RAP1GAP2: variants seen among roughly 807,000 people sequenced by gnomAD.
RAP1GAP2 encodes rap1 GTPase-activating protein 2.
In RAP1GAP2, 27 loss-of-function variants were observed where a neutral mutation model predicts 95.0. That is an observed-to-expected ratio of 0.28 (90% CI 0.21 to 0.39). The LOEUF is 0.39. RAP1GAP2 is among the 10% of genes least tolerant of loss of function. RAP1GAP2 has a pLI of 1.00. For synonymous variants in RAP1GAP2, 373 were observed against 380.9 expected (o/e 0.98, Z 0.24); for missense variants, 771 against 970.0 (o/e 0.79, Z 2.72).
At chr17:2,768,169 A>G (rs139692075) in intron 1 of RAP1GAP2, among the ~76,000 whole-genome samples, 2 of 152,304 alleles carry the variant, frequency 1.3e-5, no homozygotes, top group East Asian at 3.9e-4. Flanking sequence ...CCCTAGGTAA[A>G]TTCCCCAAAG....
At chr17:2,875,054 A>G (rs939128878) in intron 2 of RAP1GAP2, among the ~76,000 whole-genome samples, 3 of 152,070 alleles carry the variant, frequency 2.0e-5, no homozygotes, top group African/African-American at 7.2e-5. Flanking sequence ...ACATTTGTTA[A>G]AAGCAAGTTT....
Position 2,991,320 on chromosome 17 carries a change from G to A in RAP1GAP2, c.837G>A (p.Gly279=). 1 of 1,604,824 alleles carries A rather than the reference G, an allele frequency of 6.2e-7. No individual in the cohort carries two copies. The part of the protein sequence containing the change: ...ARQTLEEELF[G]NNEESPAFKE... Reference sequence around the variant, plus strand: ...AGACCCTGGAGGAGGAGCTATTTGGGAACAATGAGGAGAGCCCAGCTTTTA... The same window carrying A: ...AGACCCTGGAGGAGGAGCTATTTGGAAACAATGAGGAGAGCCCAGCTTTTA... Residue 279 remains glycine, a synonymous_variant, in exon 12 of 25, where the codon GGG becomes GGA. Coordinates refer to ENST00000254695, the MANE Select transcript of RAP1GAP2 (RefSeq NM_015085.5).
At chr17:2,991,425 G>C (rs1481249580) in intron 12 of RAP1GAP2, 28 bp downstream of exon 12, 2 of 1,531,718 alleles carry the variant, frequency 1.3e-6, no homozygotes, top group Admixed American at 3.8e-5. Flanking sequence ...GACGGCTCCA[G>C]CTCCATCAAC....
At chr17:3,002,373 C>G (rs1194129862) in intron 14 of RAP1GAP2, among the ~76,000 whole-genome samples, 1 of 152,196 alleles carries the variant, frequency 6.6e-6, no homozygotes, top group Non-Finnish European at 1.5e-5. Context: ...TGATCGTGCA[C>G]TCCACCTGCC....
intron 10 of RAP1GAP2, 129 bp from the exon 11 acceptor site, chr17:2,984,854 G>A (rs1047173152): frequency 9.5e-6 from 14 of 1,477,420 alleles, no homozygotes; most frequent in East Asian, 4.6e-5. Context: ...CTCTCCCTCC[G>A]TGTATGTGGA....
chr17:2,785,761 GTGTCTGAGGAGTTT>G (rs1257531445), intron 1 of RAP1GAP2, among the ~76,000 whole-genome samples: 4 of 152,144 alleles, frequency 2.6e-5, no homozygotes, highest in African/African-American at 9.7e-5. Context: ...CTTTAATCCG[GTGTCTGAGGAGTTT>G]TGTCTGTGGC....
At chr17:2,790,855 G>A (rs2151463325) in intron 1 of RAP1GAP2, among the ~76,000 whole-genome samples, 1 of 152,316 alleles carries the variant, frequency 6.6e-6, no homozygotes, top group African/African-American at 2.4e-5. Flanking sequence ...AGCCTGAACT[G>A]CCCCCTCCTC....
chr17:2,800,932 C>T (rs1274712140), intron 2 of RAP1GAP2, among the ~76,000 whole-genome samples: 1 of 150,654 alleles, frequency 6.6e-6, no homozygotes, highest in African/African-American at 2.4e-5. Flanking sequence ...TCACTGCAAC[C>T]TCCACCTTCC....
At chr17:2,830,993 CA>C (rs1380580875) in intron 2 of RAP1GAP2, among the ~76,000 whole-genome samples, 1 of 76,672 alleles carries the variant, frequency 1.3e-5, no homozygotes, top group Non-Finnish European at 2.6e-5. Context: ...CCCTTCCCTC[CA>C]CTTCCCTCCC....
At chr17:2,929,333 G>T (rs1053893416) in intron 3 of RAP1GAP2, among the ~76,000 whole-genome samples, 3 of 152,136 alleles carry the variant, frequency 2.0e-5, no homozygotes, top group Non-Finnish European at 4.4e-5. Context: ...CCTGTGGAGG[G>T]TGTGCACCCG....
rs1008798436 is a variant in RAP1GAP2, at chr17:2,810,029, C to G, written c.80+9479C>G. Among the ~76,000 whole-genome samples the G allele has an allele frequency of 2.6e-4, 38 of 148,594 alleles. 5 individuals are homozygous for G. Among genetic ancestry groups the G allele is most frequent in the African/African-American group, 7.2e-4 (29 of 40,124 alleles). On this transcript the variant is annotated intron_variant, in intron 2 of 24. Transcript: ENST00000254695. ...GCTTGTGCTGGGACCCTCCCCTCCC[C>G]CCGCCCCACCCCAGGAGTTCCTTCC...
At chr17:3,020,638 C>T (rs764334185) in intron 19 of RAP1GAP2, 43 bp downstream of exon 19, 1 of 1,535,536 alleles carries the variant, frequency 6.5e-7, no homozygotes, top group Non-Finnish European at 8.9e-7. Context: ...CTTGCGGGGT[C>T]TGTCAACCCC....
chr17:2,846,107 C>T (rs146942149), intron 2 of RAP1GAP2, among the ~76,000 whole-genome samples: 2 of 151,118 alleles, frequency 1.3e-5, no homozygotes, highest in African/African-American at 4.9e-5. Flanking sequence ...TGCTTGAACC[C>T]GGGAGGTGGA....
chr17:2,900,095 G>T (rs1025489814), intron 2 of RAP1GAP2, among the ~76,000 whole-genome samples: 1 of 152,202 alleles, frequency 6.6e-6, no homozygotes, highest in Admixed American at 6.5e-5. Context: ...GAGCGGGTGT[G>T]GGGAGGGGAT....
At chr17:2,984,032 A>G (rs1296946031) in intron 10 of RAP1GAP2, among the ~76,000 whole-genome samples, 4 of 152,234 alleles carry the variant, frequency 2.6e-5, no homozygotes, top group Non-Finnish European at 5.9e-5. Flanking sequence ...ACTCAAAGCT[A>G]CATAGGTAAA....
At chr17:2,846,646 C>T (rs2151582690) in intron 2 of RAP1GAP2, among the ~76,000 whole-genome samples, 1 of 151,994 alleles carries the variant, frequency 6.6e-6, no homozygotes, top group African/African-American at 2.4e-5. Flanking sequence ...CATGCATGTT[C>T]ACTGAATCCT....
At chr17:2,901,991 G>T (rs559123014) in intron 2 of RAP1GAP2, among the ~76,000 whole-genome samples, 3 of 152,156 alleles carry the variant, frequency 2.0e-5, no homozygotes, top group African/African-American at 7.2e-5. Flanking sequence ...GCTTAAAGCC[G>T]CAGACATTTA....
At chr17:2,992,920 G>T (rs59993082) in intron 12 of RAP1GAP2, among the ~76,000 whole-genome samples, 1 of 152,118 alleles carries the variant, frequency 6.6e-6, no homozygotes, top group East Asian at 1.9e-4. Flanking sequence ...TGTAAAAAGC[G>T]AGATAAAGGG....
rs565284887 is a variant in RAP1GAP2 at position 2,830,587 on chromosome 17, G to A, written c.80+30037G>A. On this transcript the variant is annotated intron_variant, in intron 2 of 24. Transcript: ENST00000254695. Reference sequence around the variant, plus strand: ...AAATTAGCTGGGCGTGGTGGCGGGCGCCTGTAGTCCCAGCTACTCAGGAAG... The same window carrying A: ...AAATTAGCTGGGCGTGGTGGCGGGCACCTGTAGTCCCAGCTACTCAGGAAG... Among the ~76,000 whole-genome samples, 512 of 151,930 alleles carry A rather than the reference G, an allele frequency of 3.4e-3. 2 individuals are homozygous for A. The highest frequency in any genetic ancestry group is 0.012 in the African/African-American group (479 of 41,432).
Sources: gnomAD v4.1 joint callset for allele counts (sites outside exome capture counted in the v4.1 genomes callset) on GRCh38, gnomAD v4.1.1 for gene constraint, MANE v1.5 for transcripts, NCBI Gene and HGNC (gene_info 2026-07-23, HGNC 2026-07-21) for gene names.